AP5Z1: variants seen among roughly 807,000 people sequenced by gnomAD.
The protein encoded by AP5Z1 is adaptor related protein complex 5 subunit zeta 1, also known as AP-5 complex subunit zeta-1.
A neutral mutation model predicts 83.0 loss-of-function variants in AP5Z1; 106 were observed. That is an observed-to-expected ratio of 1.28 (90% confidence interval 1.09 to 1.50). The LOEUF (loss-of-function observed/expected upper bound fraction) is 1.50, where lower values mean the gene tolerates loss of function less well. Among genes scored for constraint, AP5Z1 ranks in the 40% most tolerant of loss-of-function variants. The probability of loss-of-function intolerance (pLI) is 0.00; values close to 1 mark genes in which losing one functional copy is unlikely to be tolerated. For synonymous variants in AP5Z1, 751 were observed against 514.1 expected (o/e 1.46, Z -6.23); for missense variants, 1,565 against 1,094.2 (o/e 1.43, Z -6.07).
At position 4,792,725 on chromosome 7, in the gene AP5Z1, C is replaced by A. The variant is rs1221361344; in HGVS notation, c.*1340C>A. 6.6e-6 allele frequency: 1 copy of A among 152,244 alleles called. No homozygotes were observed. Among genetic ancestry groups the A allele is most frequent in the Non-Finnish European group, 1.5e-5 (1 of 68,042 alleles). The allele number at this position is 152,244 out of a possible 1,614,324, so 9.4% of individuals were successfully genotyped here. ...AAAGGCTGGCGCTGGCAGGCGCTTC[C>A]GTCGGCAGCACTGTGTTTGTGTTTC... On this transcript the variant is annotated 3_prime_UTR_variant, in exon 17 of 17. Transcript: ENST00000649063.
In AP5Z1 at chr7:4,791,280, G is replaced by T. The variant is rs749022290; in HGVS notation, c.2319G>T (p.Glu773Asp). The change falls in exon 17 of 17, where the codon GAG becomes GAT. Residue 773 changes from glutamate to aspartate, a missense_variant. Glu to Asp is a conservative substitution (Grantham distance 45). Coordinates refer to ENST00000649063, the MANE Select transcript of AP5Z1 (RefSeq NM_014855.3). ...AGTTTGTGCTCACACCCAGCACGGA[G>T]GTGTGCAGCCCCCGCTATCACCGCG... is the stretch of plus-strand genomic sequence containing the variant. The part of the protein sequence containing the change: ...VAQFVLTPST[E>D]VCSPRYHRDA... 6.2e-7 allele frequency: 1 copy of T among 1,612,544 alleles called. No homozygotes were observed. The highest frequency in any genetic ancestry group is 8.5e-7 in the Non-Finnish European group (1 of 1,179,866).
chr7:4,776,126 G>A (rs1220387096), intron 1 of AP5Z1, among the ~76,000 whole-genome samples: 1 of 151,820 alleles, frequency 6.6e-6, no homozygotes, highest in African/African-American at 2.4e-5. Flanking sequence ...CACAGTGTCC[G>A]GAGGCCTGCT....
Position 4,786,271 on chromosome 7 carries a change from CGG to C in AP5Z1, c.1155_1156del (p.Glu386SerfsTer23). 6.2e-7 allele frequency: 1 copy of C among 1,609,718 alleles called. No homozygotes were observed. The highest frequency in any genetic ancestry group is 8.5e-7 in the Non-Finnish European group (1 of 1,177,310). ...GCAGGGGAAGCGGCTGCAGTGGACT[CGG>C]AAGCCGTCTACCAGCACCTGTTCAC... is the stretch of plus-strand genomic sequence containing the variant. On this transcript the variant is annotated frameshift_variant, in exon 10 of 17. Coordinates refer to ENST00000649063, the MANE Select transcript of AP5Z1 (RefSeq NM_014855.3). LOFTEE classifies it high-confidence loss of function.
Position 4,791,468 on chromosome 7 carries a change from G to T in AP5Z1, c.*83G>T. On this transcript the variant is annotated 3_prime_UTR_variant, in exon 17 of 17. Coordinates refer to ENST00000649063, the MANE Select transcript of AP5Z1 (RefSeq NM_014855.3). The stretch of plus-strand genomic sequence containing the variant: ...CTGAGGCCAGGCTGATAGGAGCTCA[G>T]GAGGGCGCGGGAGTCCTGGGAGAGG... The T allele has an allele frequency of 6.8e-7, 1 of 1,477,356 alleles. No individual in the cohort carries two copies. The highest frequency in any genetic ancestry group is 9.0e-7 in the Non-Finnish European group (1 of 1,107,512). The allele number at this position is 1,477,356 out of a possible 1,614,324, so 91.5% of individuals were successfully genotyped here.
chr7:4,788,535 C>T lies in AP5Z1; in HGVS notation c.1595+241C>T, dbSNP rs73671926. 0.027 allele frequency: 14,825 copies of T among 547,398 alleles called. 1,270 individuals are homozygous for T. The highest frequency in any genetic ancestry group is 0.22 in the African/African-American group (11,321 of 51,930). The allele number at this position is 547,398 out of a possible 1,614,324, so 33.9% of individuals were successfully genotyped here. ...CAACCCTCATAAGCTTGGAGGTTGGCCCTGTGGGTGCTCCATTTTGCAGAT... is the reference window on the plus strand; with the variant it reads ...CAACCCTCATAAGCTTGGAGGTTGGTCCTGTGGGTGCTCCATTTTGCAGAT... On this transcript the variant is annotated intron_variant, in intron 12 of 16. Transcript: ENST00000649063.
Position 4,785,645 on chromosome 7 carries a change from C to T in AP5Z1, c.1093C>T (p.Arg365Trp), listed in dbSNP as rs754300113. 6.7e-5 allele frequency: 104 copies of T among 1,559,748 alleles called. No homozygotes were observed. The highest frequency in any genetic ancestry group is 7.6e-5 in the Non-Finnish European group (88 of 1,155,564). The change falls in exon 9 of 17, where the codon CGG becomes TGG. Residue 365 changes from arginine (R) to tryptophan (W), a missense_variant. Arg to Trp is a moderately radical substitution (Grantham distance 101). Transcript: ENST00000649063. ...GGTGCGCGGGGACCCGGCCTCTGTG[C>T]GGGTGCTGCTGCCCCTCGCCCACTT... ...GRVRGDPASV[R>W]VLLPLAHFFL... is the part of the protein sequence containing the mutation.
Position 4,793,166 on chromosome 7 carries a change from C to T in AP5Z1, c.*1781C>T, listed in dbSNP as rs537577608. 5.2e-5 allele frequency: 8 copies of T among 152,454 alleles called. No individual in the cohort carries two copies. Among genetic ancestry groups the T allele is most frequent in the Admixed American group, 1.3e-4 (2 of 15,310 alleles). The allele number at this position is 152,454 out of a possible 1,614,324, so 9.4% of individuals were successfully genotyped here. ...GGAGGAGCTCATGGCCACAGGGCCT[C>T]GGAGGGCATGACCCCAGCCCAGGGA... On this transcript the variant is annotated 3_prime_UTR_variant, in exon 17 of 17. Transcript: ENST00000649063.
chr7:4,781,322 G>C lies in AP5Z1; in HGVS notation c.179+10G>C, dbSNP rs1182099602. 6.2e-7 allele frequency: 1 copy of C among 1,612,588 alleles called. No individual in the cohort carries two copies. Among genetic ancestry groups the C allele is most frequent in the African/African-American group, 1.3e-5 (1 of 74,918 alleles). On this transcript the variant is annotated intron_variant, in intron 2 of 16. Coordinates refer to ENST00000649063, the MANE Select transcript of AP5Z1 (RefSeq NM_014855.3). Reference sequence around the variant, plus strand: ...CGAAGTACAGCCGGAGGTGAGTGTGGCGACGGCTCAGGCCGGCTCCTCACA... The same window carrying C: ...CGAAGTACAGCCGGAGGTGAGTGTGCCGACGGCTCAGGCCGGCTCCTCACA...
chr7:4,789,707 G>T, intron 13 of AP5Z1, 125 bp from the exon 14 acceptor site: 1 of 648,204 alleles, frequency 1.5e-6, no homozygotes, highest in African/African-American at 1.8e-5. Flanking sequence ...GGGTGTTGGG[G>T]AAGGCAGTGG....
chr7:4,787,845 T>C, intron 11 of AP5Z1, 69 bp downstream of exon 11: 1 of 1,471,676 alleles, frequency 6.8e-7, no homozygotes, highest in Middle Eastern at 2.4e-4. Context: ...GGCCCCCTCC[T>C]CGCTGCTCCT....
chr7:4,777,872 T>A (rs1781268833), intron 1 of AP5Z1, among the ~76,000 whole-genome samples: 1 of 152,238 alleles, frequency 6.6e-6, no homozygotes, highest in Non-Finnish European at 1.5e-5. Context: ...TTCTTAAGCC[T>A]GTGATTTCTG....
rs750771636 is a variant in AP5Z1, at chr7:4,790,747, C to G, written c.2013C>G (p.Phe671Leu). The G allele has an allele frequency of 1.9e-6, 3 of 1,609,516 alleles. No individual in the cohort carries two copies. The highest frequency in any genetic ancestry group is 1.7e-6 in the Non-Finnish European group (2 of 1,178,846). ...CCGTGGAGCAGATCAACAAGTTCTT[C>G]GAAGCCCTGGAGGCTCTGCTATTCG... ...RCTVEQINKF[F>L]EALEALLFEV... Residue 671 changes from phenylalanine to leucine, a missense_variant, in exon 16 of 17, where the codon TTC becomes TTG. Coordinates refer to ENST00000649063, the MANE Select transcript of AP5Z1 (RefSeq NM_014855.3).
At chr7:4,790,975 G>T in intron 16 of AP5Z1, 88 bp downstream of exon 16, 1 of 1,480,440 alleles carries the variant, frequency 6.8e-7, no homozygotes. Context: ...GTTGTGAAAT[G>T]GTCGCAGCAG....
chr7:4,789,052 G>A, intron 13 of AP5Z1, 101 bp downstream of exon 13: 4 of 1,011,406 alleles, frequency 4.0e-6, no homozygotes, highest in Non-Finnish European at 5.8e-6. Context: ...GCAGAAGGCT[G>A]CTCCCGCCAC....
At chr7:4,788,078 G>T (rs138658543) in intron 11 of AP5Z1, 76 bp from the exon 12 acceptor site, 99 of 1,447,902 alleles carry the variant, frequency 6.8e-5, no homozygotes, top group Non-Finnish European at 8.4e-5. Context: ...GACACCTGCC[G>T]TGTGTCTCCC....
intron 10 of AP5Z1, 176 bp from the exon 11 acceptor site, chr7:4,787,458 C>G (rs1262812611): frequency 1.5e-5 from 14 of 950,754 alleles, no homozygotes; most frequent in Non-Finnish European, 2.1e-5. Flanking sequence ...TGCACTCCAG[C>G]CTGGGCGACA....
chr7:4,783,446 G>A lies in AP5Z1; in HGVS notation c.497G>A (p.Gly166Asp), dbSNP rs374914983. ...GCCAAGGTCGTGGTCCTCAGCCCGG[G>A]CACCCTCCAGGAGGGTACGCGGGGC... ...VMAKVVVLSP[G>D]TLQEDQATLL... Residue 166 changes from glycine (G) to aspartate (D), a missense_variant, in exon 4 of 17, where the codon GGC becomes GAC. Physicochemically the swap from Gly to Asp is moderately conservative, Grantham distance 94. Coordinates refer to ENST00000649063, the MANE Select transcript of AP5Z1 (RefSeq NM_014855.3). 101 of 1,612,448 alleles carry A rather than the reference G, an allele frequency of 6.3e-5. No homozygotes were observed. Among genetic ancestry groups the A allele is most frequent in the Non-Finnish European group, 8.5e-5 (100 of 1,179,670 alleles).
In AP5Z1 at chr7:4,785,627, G is replaced by C; in HGVS notation, c.1075G>C (p.Gly359Arg). 4 of 1,573,976 alleles carry C rather than the reference G, an allele frequency of 2.5e-6. No individual in the cohort carries two copies. Among genetic ancestry groups the C allele is most frequent in the Non-Finnish European group, 3.4e-6 (4 of 1,163,468 alleles). Residue 359 changes from glycine (G) to arginine (R), a missense_variant, in exon 9 of 17, where the codon GGG (glycine) becomes CGG (arginine). Physicochemically the swap from Gly to Arg is moderately radical, Grantham distance 125. Transcript: ENST00000649063. ...CLKALHGRVR[G>R]DPASVRVLLP... ...GAAGGCCCTGCACGGGCGGGTGCGC[G>C]GGGACCCGGCCTCTGTGCGGGTGCT...
chr7:4,776,852 C>T (rs1412242956), intron 1 of AP5Z1, among the ~76,000 whole-genome samples: 2 of 152,136 alleles, frequency 1.3e-5, no homozygotes, highest in African/African-American at 4.8e-5. Context: ...ACCCAGGAGG[C>T]CGAGGGTGCA....
Sources: allele counts gnomAD v4.1 joint callset (sites outside exome capture counted in the v4.1 genomes callset), GRCh38; gene constraint gnomAD v4.1.1; transcripts MANE v1.5; gene names NCBI Gene and HGNC (gene_info 2026-07-23, HGNC 2026-07-21).